The following STIM1 variants were observed in gnomAD, a reference collection of about 807,000 sequenced individuals.
STIM1 encodes stromal interaction molecule 1.
STIM1 carries 25 observed loss-of-function variants against 74.7 expected under a neutral mutation model. That is an observed-to-expected ratio of 0.33 (90% CI 0.24 to 0.47). STIM1 has a LOEUF of 0.47. Among genes scored for constraint, STIM1 ranks in the 20% least tolerant of loss-of-function variants. The probability of loss-of-function intolerance (pLI) is 1.00; values close to 1 mark genes in which losing one functional copy is unlikely to be tolerated. For missense variants in STIM1, 728 were observed against 920.8 expected (o/e 0.79, Z 2.71); for synonymous variants, 328 against 348.8 (o/e 0.94, Z 0.66).
chr11:3,875,052 A>G (rs561901116), intron 1 of STIM1, among the ~76,000 whole-genome samples: 1 of 151,566 alleles, frequency 6.6e-6, no homozygotes, highest in East Asian at 1.9e-4. Flanking sequence ...TTTGCAACCT[A>G]CAGAGCTAGG....
At chr11:4,046,228 C>T (rs12791534) in intron 3 of STIM1, among the ~76,000 whole-genome samples, 3 of 151,994 alleles carry the variant, frequency 2.0e-5, no homozygotes, top group Admixed American at 2.0e-4. Context: ...CCCCTCAACA[C>T]TAATTTAACC....
intron 3 of STIM1, among the ~76,000 whole-genome samples, chr11:4,024,475 CT>C (rs1433754332): frequency 6.6e-6 from 1 of 152,214 alleles, no homozygotes; most frequent in East Asian, 1.9e-4. Context: ...GCTCCTGAGT[CT>C]TCTTTTTTCC....
intron 2 of STIM1, among the ~76,000 whole-genome samples, chr11:3,988,673 C>T (rs893445114): frequency 1.3e-5 from 2 of 152,142 alleles, no homozygotes; most frequent in African/African-American, 4.8e-5. Flanking sequence ...ACTACCACAA[C>T]CAAAGATGTT....
At chr11:3,994,435 T>C (rs1257787648) in intron 2 of STIM1, among the ~76,000 whole-genome samples, 1 of 151,870 alleles carries the variant, frequency 6.6e-6, no homozygotes, top group Non-Finnish European at 1.5e-5. Flanking sequence ...ATTATTTCTT[T>C]GAATATTTTT....
chr11:3,889,362 T>C (rs1590530625), intron 1 of STIM1, among the ~76,000 whole-genome samples: 1 of 142,788 alleles, frequency 7.0e-6, no homozygotes, highest in East Asian at 2.0e-4. Context: ...CTTTCACAGA[T>C]ATTTAATTTT....
intron 1 of STIM1, among the ~76,000 whole-genome samples, chr11:3,947,143 C>G (rs1311345621): frequency 6.9e-6 from 1 of 144,206 alleles, no homozygotes; most frequent in Non-Finnish European, 1.5e-5. Context: ...CTTTCTGGAA[C>G]ATTTCTGTGA....
chr11:3,907,029 A>T (rs918670970), intron 1 of STIM1, among the ~76,000 whole-genome samples: 1 of 152,188 alleles, frequency 6.6e-6, no homozygotes, highest in Non-Finnish European at 1.5e-5. Context: ...CAAATTTGAA[A>T]AGAAGGACAA....
At chr11:3,861,463 T>C (rs1233295028) in intron 1 of STIM1, among the ~76,000 whole-genome samples, 3 of 152,182 alleles carry the variant, frequency 2.0e-5, no homozygotes, top group Non-Finnish European at 2.9e-5. Context: ...CTTGATCTCC[T>C]GACTTCGTGA....
intron 1 of STIM1, among the ~76,000 whole-genome samples, chr11:3,953,597 A>G (rs1215564982): frequency 6.6e-6 from 1 of 152,162 alleles, no homozygotes; most frequent in East Asian, 1.9e-4. Context: ...AGGGCAAAAC[A>G]ACCCATTTTA....
chr11:4,084,074 T>A (rs1417585518), intron 10 of STIM1, among the ~76,000 whole-genome samples: 2 of 152,208 alleles, frequency 1.3e-5, no homozygotes, highest in African/African-American at 2.4e-5. Context: ...CCGCTCTTCC[T>A]CTGTCCTGGA....
chr11:4,058,830 A>G lies in STIM1; in HGVS notation c.498-451A>G, dbSNP rs561894792. The G allele has an allele frequency of 7.9e-5, 80 of 1,013,758 alleles. No individual in the cohort carries two copies. The African/African-American group carries it at 1.2e-3, about 15-fold the overall frequency. 62.8% of individuals were successfully genotyped at this position (1,013,758 alleles called of 1,614,324 possible). A position where few individuals can be genotyped will look rare whatever the true frequency, so the allele number is the denominator to read the frequency against. ...ATTTCAATAGCACATTAGCAGGTTT[A>G]TATATAATGACAGTGAGTTTAGATT... On this transcript the variant is annotated intron_variant, in intron 4 of 12. Transcript: ENST00000526596.
intron 2 of STIM1, among the ~76,000 whole-genome samples, chr11:3,994,743 T>G (rs1218415144): frequency 6.6e-6 from 1 of 152,064 alleles, no homozygotes; most frequent in Non-Finnish European, 1.5e-5. Flanking sequence ...TTTCTGCTCC[T>G]TTTTCTTTAT....
intron 2 of STIM1, among the ~76,000 whole-genome samples, chr11:4,020,116 A>G (rs929262029): frequency 6.6e-6 from 1 of 152,226 alleles, no homozygotes; most frequent in Non-Finnish European, 1.5e-5. Context: ...GCCACAAATG[A>G]CAGAATTTCA....
At chr11:4,063,399 T>C (rs1248194873) in intron 5 of STIM1, among the ~76,000 whole-genome samples, 1 of 152,220 alleles carries the variant, frequency 6.6e-6, no homozygotes, top group Non-Finnish European at 1.5e-5. Context: ...CCTGTGTTGA[T>C]CAAGCTGTTG....
Position 3,892,333 on chromosome 11 carries a change from C to T in STIM1, c.139+35924C>T, listed in dbSNP as rs1427617706. ...TGCGAGCAAATGGGGTGGAGGGGTG[C>T]TCTCCTGACCTACAGAAGGAATGGT... On this transcript the variant is annotated intron_variant, in intron 1 of 12. Transcript: ENST00000526596. The T allele has an allele frequency of 4.0e-6, 4 of 996,242 alleles. No individual in the cohort carries two copies. The East Asian group carries it at 7.2e-5, about 18-fold the overall frequency. 61.7% of individuals were successfully genotyped at this position (996,242 alleles called of 1,614,324 possible).
chr11:3,950,656 C>T (rs890855750), intron 1 of STIM1, among the ~76,000 whole-genome samples: 1 of 151,898 alleles, frequency 6.6e-6, no homozygotes. Flanking sequence ...GAGAAGGTCT[C>T]GCTCTGTCAC....
chr11:4,031,774 T>C (rs533975860), intron 3 of STIM1, among the ~76,000 whole-genome samples: 1 of 152,354 alleles, frequency 6.6e-6, no homozygotes, highest in South Asian at 2.1e-4. Context: ...CATTTAAGTC[T>C]TTTATCAAAT....
At chr11:3,915,320 G>T (rs1322394838) in intron 1 of STIM1, among the ~76,000 whole-genome samples, 1 of 151,954 alleles carries the variant, frequency 6.6e-6, no homozygotes, top group Non-Finnish European at 1.5e-5. Context: ...GAATTCCCGG[G>T]CTCAAGCAAT....
intron 1 of STIM1, among the ~76,000 whole-genome samples, chr11:3,881,482 T>C (rs2091497692): frequency 6.6e-6 from 1 of 151,870 alleles, no homozygotes; most frequent in Non-Finnish European, 1.5e-5. Context: ...GCCATTCTCC[T>C]GCCTGAGCCT....
Sources: gnomAD v4.1 joint callset for allele counts (sites outside exome capture counted in the v4.1 genomes callset) on GRCh38, gnomAD v4.1.1 for gene constraint, MANE v1.5 for transcripts, NCBI Gene and HGNC (gene_info 2026-07-23, HGNC 2026-07-21) for gene names.